Variants in PMEPA1 observed in about 807,000 individuals in gnomAD.
PMEPA1 encodes protein TMEPAI.
PMEPA1 carries 11 observed loss-of-function variants against 23.0 expected under a neutral mutation model. The ratio of observed to expected loss-of-function variants is 0.48; its 90% CI spans 0.30 to 0.79. The LOEUF (loss-of-function observed/expected upper bound fraction) is 0.79. Ranked by LOEUF, PMEPA1 falls within the 30% of genes least tolerant of loss-of-function variation. PMEPA1 has a pLI of 0.06. For synonymous variants in PMEPA1, 204 were observed against 166.4 expected (o/e 1.23, Z -1.74); for missense variants, 377 against 390.9 (o/e 0.96, Z 0.30).
chr20:57,695,145 C>T (rs1282519031), intron 1 of PMEPA1, among the ~76,000 whole-genome samples: 1 of 152,262 alleles, frequency 6.6e-6, no homozygotes, highest in Non-Finnish European at 1.5e-5. Context: ...GTAACCACCT[C>T]CCCAAGACAT....
intron 1 of PMEPA1, among the ~76,000 whole-genome samples, chr20:57,674,743 C>T (rs959804524): frequency 1.6e-4 from 25 of 152,204 alleles, no homozygotes; most frequent in African/African-American, 5.3e-4. Flanking sequence ...ACTGCGGCAG[C>T]GCATATATTT....
intron 1 of PMEPA1, among the ~76,000 whole-genome samples, chr20:57,670,827 A>G (rs1279366401): frequency 6.6e-6 from 1 of 152,122 alleles, no homozygotes; most frequent in African/African-American, 2.4e-5. Context: ...TACCACCCAG[A>G]GAGAACTGTG....
intron 1 of PMEPA1, among the ~76,000 whole-genome samples, chr20:57,691,614 G>A (rs1022466520): frequency 1.3e-5 from 2 of 152,120 alleles, no homozygotes; most frequent in African/African-American, 4.8e-5. Flanking sequence ...GTTTTCCCCC[G>A]AAGAAAATCA....
intron 1 of PMEPA1, chr20:57,700,021 T>G: frequency 2.1e-6 from 1 of 471,200 alleles, no homozygotes; most frequent in South Asian, 1.5e-5. Context: ...CACACCTTTT[T>G]GTATTCTTAA....
intron 1 of PMEPA1, chr20:57,700,304 C>T (rs895246965): frequency 1.7e-5 from 6 of 360,398 alleles, no homozygotes; most frequent in Non-Finnish European, 2.8e-5. Context: ...TCCACTTCCA[C>T]CAACTGTCAA....
chr20:57,661,851 T>A (rs1457366751), intron 1 of PMEPA1, among the ~76,000 whole-genome samples: 4 of 152,152 alleles, frequency 2.6e-5, no homozygotes, highest in African/African-American at 9.7e-5. Flanking sequence ...CACACCTGTG[T>A]CCACTGCCAC....
At chr20:57,664,109 G>A (rs1366431814) in intron 1 of PMEPA1, among the ~76,000 whole-genome samples, 4 of 152,184 alleles carry the variant, frequency 2.6e-5, no homozygotes, top group East Asian at 1.9e-4. Flanking sequence ...GAGGTCGGTC[G>A]CAAACCAGAG....
rs6015056 is a variant in PMEPA1, at chr20:57,664,158, C to T, written c.110-4461G>A. ...CGCACCGACCGTCCCTGGCCCCAGC[C>T]GTGTTCCCACCTGGCATCACGGGAG... On this transcript the variant is annotated intron_variant, in intron 1 of 3. Coordinates refer to ENST00000341744, the MANE Select transcript of PMEPA1 (RefSeq NM_020182.5). 9.2e-5 allele frequency among the ~76,000 whole-genome samples: 14 copies of T among 152,330 alleles called. No individual in the cohort carries two copies. The South Asian group carries it at 2.5e-3, about 27-fold the overall frequency.
chr20:57,697,517 T>C lies in PMEPA1; in HGVS notation c.109+11957A>G, dbSNP rs541626290. Among the ~76,000 whole-genome samples the C allele has an allele frequency of 7.9e-4, 120 of 152,370 alleles. 2 individuals carry two copies. Among genetic ancestry groups the C allele is most frequent in the Middle Eastern group, 3.4e-3 (1 of 294 alleles). On this transcript the variant is annotated intron_variant, in intron 1 of 3. Transcript: ENST00000341744. ...CTGGCAAATTTCTCCTCCAGTGAAC[T>C]TTCTCACAGCCATCCAACCAGCAGC... is the stretch of plus-strand genomic sequence containing the variant.
intron 1 of PMEPA1, among the ~76,000 whole-genome samples, chr20:57,702,237 T>C (rs921698536): frequency 6.6e-6 from 1 of 152,178 alleles, no homozygotes. Context: ...GCTGAGCCCC[T>C]GCGGAGGCTG....
intron 1 of PMEPA1, among the ~76,000 whole-genome samples, chr20:57,702,507 TC>T (rs1392618067): frequency 6.6e-6 from 1 of 152,198 alleles, no homozygotes; most frequent in Non-Finnish European, 1.5e-5. Flanking sequence ...TCGTATGTGT[TC>T]TTCCCTAACA....
intron 1 of PMEPA1, among the ~76,000 whole-genome samples, chr20:57,697,675 A>T (rs2146706091): frequency 6.6e-6 from 1 of 152,352 alleles, no homozygotes; most frequent in Non-Finnish European, 1.5e-5. Context: ...TGGGGAACCA[A>T]CCAGAGGAAA....
intron 1 of PMEPA1, among the ~76,000 whole-genome samples, chr20:57,691,584 A>G (rs1600666230): frequency 6.6e-6 from 1 of 152,290 alleles, no homozygotes; most frequent in East Asian, 1.9e-4. Context: ...CTGCTTCCTC[A>G]GGGATGGGGT....
chr20:57,679,703 T>C (rs1437820981), intron 1 of PMEPA1, among the ~76,000 whole-genome samples: 1 of 152,182 alleles, frequency 6.6e-6, no homozygotes, highest in African/African-American at 2.4e-5. Context: ...ATAGGTGAAT[T>C]TGTTATGCTG....
intron 1 of PMEPA1, among the ~76,000 whole-genome samples, chr20:57,679,564 C>A (rs370665807): frequency 2.0e-5 from 3 of 152,154 alleles, no homozygotes; most frequent in Non-Finnish European, 4.4e-5. Context: ...GGTTCCGGGA[C>A]CTGCAGGGAA....
At chr20:57,686,467 C>T (rs1240763729) in intron 1 of PMEPA1, among the ~76,000 whole-genome samples, 1 of 152,204 alleles carries the variant, frequency 6.6e-6, no homozygotes, top group Non-Finnish European at 1.5e-5. Context: ...GACGCTGGAA[C>T]CAGACAAAGC....
intron 2 of PMEPA1, among the ~76,000 whole-genome samples, chr20:57,657,404 G>T (rs919293147): frequency 6.6e-6 from 1 of 152,200 alleles, no homozygotes; most frequent in African/African-American, 2.4e-5. Context: ...TGTGGCCTCC[G>T]GCAAATGTTC....
intron 1 of PMEPA1, among the ~76,000 whole-genome samples, chr20:57,660,137 C>A (rs2071393106): frequency 6.6e-6 from 1 of 152,164 alleles, no homozygotes; most frequent in Non-Finnish European, 1.5e-5. Flanking sequence ...GGTCACAGAC[C>A]CTTCTTAGGG....
At chr20:57,710,105 A>C, upstream of PMEPA1, 1 of 883,512 alleles carries the variant, frequency 1.1e-6, no homozygotes, top group Non-Finnish European at 1.4e-6. Flanking sequence ...GTTCCCCCGC[A>C]CCCCCTCCCC....
Sources: allele counts gnomAD v4.1 joint callset (sites outside exome capture counted in the v4.1 genomes callset), GRCh38; gene constraint gnomAD v4.1.1; transcripts MANE v1.5; gene names NCBI Gene and HGNC (gene_info 2026-07-23, HGNC 2026-07-21).